The following IL1RAPL1 variants were observed in gnomAD, a reference collection of about 807,000 sequenced individuals.
The protein encoded by IL1RAPL1 is interleukin 1 receptor accessory protein like 1, also known as interleukin-1 receptor accessory protein-like 1.
A neutral mutation model predicts 48.4 loss-of-function variants in IL1RAPL1; 3 were observed. The observed-to-expected ratio is 0.06, with a 90% confidence interval of 0.03 to 0.16. IL1RAPL1 has a LOEUF of 0.16. IL1RAPL1 is among the 10% of genes least tolerant of loss of function. The pLI, the probability that IL1RAPL1 is intolerant of heterozygous loss-of-function variation, is 1.00. For synonymous variants in IL1RAPL1, 185 were observed against 187.7 expected (o/e 0.99, Z 0.12); for missense variants, 349 against 530.6 (o/e 0.66, Z 3.36).
intron 2 of IL1RAPL1, among the ~76,000 whole-genome samples, chrX:29,181,980 A>C (rs763057966): frequency 9.0e-6 from 1 of 111,408 alleles, no homozygotes; most frequent in African/African-American, 3.3e-5. Context: ...GGAATCTCCA[A>C]AATAGTGTCT....
In IL1RAPL1 at chrX:28,592,436, G is replaced by C. The variant is rs143105479; in HGVS notation, c.-25+4389G>C. On this transcript the variant is annotated intron_variant, in intron 1 of 10. Coordinates refer to ENST00000378993, the MANE Select transcript of IL1RAPL1 (RefSeq NM_014271.4). ...ATACCAAGTGTAATAGAGAAAATGA[G>C]AATATAAAGATACCCGGTCTGTTTG... 2.3e-4 allele frequency among the ~76,000 whole-genome samples: 26 copies of C among 111,364 alleles called. No individual in the cohort carries two copies. The East Asian group carries it at 7.0e-3, about 30-fold the overall frequency.
intron 5 of IL1RAPL1, among the ~76,000 whole-genome samples, chrX:29,535,728 A>G (rs1921208645): frequency 8.9e-6 from 1 of 112,217 alleles, no homozygotes; most frequent in Admixed American, 9.4e-5. Context: ...TAGTATGTGA[A>G]GAAAATGAGT....
At chrX:28,950,342 G>A (rs1210056924) in intron 2 of IL1RAPL1, among the ~76,000 whole-genome samples, 1 of 79,938 alleles carries the variant, frequency 1.3e-5, no homozygotes, top group Non-Finnish European at 2.4e-5. Flanking sequence ...GGTTACTGTA[G>A]CCTTGTAGTA....
At chrX:29,906,500 TA>T (rs1932632098) in intron 6 of IL1RAPL1, among the ~76,000 whole-genome samples, 3 of 52,241 alleles carry the variant, frequency 5.7e-5, no homozygotes, top group Non-Finnish European at 6.9e-5. Flanking sequence ...TATATATATA[TA>T]TATATATATA....
intron 1 of IL1RAPL1, among the ~76,000 whole-genome samples, chrX:28,649,635 G>A (rs954094253): frequency 8.9e-6 from 1 of 112,218 alleles, no homozygotes; most frequent in Non-Finnish European, 1.9e-5. Flanking sequence ...TACAACATTA[G>A]CGTTATTTGA....
rs200971590 is a variant in IL1RAPL1 at position 28,934,425 on chromosome X, AT to A, written c.82+145008del. Among the ~76,000 whole-genome samples the A allele has an allele frequency of 2.4e-3, 265 of 110,677 alleles. 2 individuals carry two copies. Among genetic ancestry groups the A allele is most frequent in the African/African-American group, 7.5e-3 (228 of 30,475 alleles). ...TCATGCCTTTAAAGTGTACAATTAA[AT>A]TTTTTTTAGTATATTTACATAGTTG... On this transcript the variant is annotated intron_variant, in intron 2 of 10. Transcript: ENST00000378993.
chrX:29,264,277 T>C (rs756855351), intron 2 of IL1RAPL1, among the ~76,000 whole-genome samples: 14 of 111,657 alleles, frequency 1.3e-4, no homozygotes, highest in Middle Eastern at 4.7e-3. Context: ...CAGAAATGAG[T>C]GTTTCCTTCT....
intron 6 of IL1RAPL1, among the ~76,000 whole-genome samples, chrX:29,819,940 C>T (rs915714444): frequency 1.9e-5 from 2 of 103,796 alleles, no homozygotes; most frequent in Admixed American, 2.2e-4. Context: ...TCCACTAATA[C>T]AGTTAAAAGA....
chrX:29,387,942 G>A (rs1184697777), intron 3 of IL1RAPL1, among the ~76,000 whole-genome samples: 2 of 106,159 alleles, frequency 1.9e-5, no homozygotes, highest in African/African-American at 3.4e-5. Flanking sequence ...GCAGTGAGCC[G>A]AAATCATGCC....
At position 29,203,648 on chromosome X, in the gene IL1RAPL1, G is replaced by GGCAGAGGT. The variant is rs1460467811; in HGVS notation, c.83-79289_83-79282dup. On this transcript the variant is annotated intron_variant, in intron 2 of 10. Coordinates refer to ENST00000378993, the MANE Select transcript of IL1RAPL1 (RefSeq NM_014271.4). The stretch of plus-strand genomic sequence containing the variant: ...GCAGGAGAATCGCTTGAACCCGGGA[G>GGCAGAGGT]GCAGAGGTTGCAGTGAGCTGAGATC... 1.6e-4 allele frequency among the ~76,000 whole-genome samples: 17 copies of GGCAGAGGT among 105,508 alleles called. No homozygotes were observed. The East Asian group carries it at 3.9e-3, about 24-fold the overall frequency. The allele number at this position is 105,508 out of a possible 115,157, so 91.6% of individuals were successfully genotyped here.
intron 2 of IL1RAPL1, among the ~76,000 whole-genome samples, chrX:28,996,322 A>G (rs1308730348): frequency 8.9e-6 from 1 of 111,795 alleles, no homozygotes; most frequent in Non-Finnish European, 1.9e-5. Context: ...CACATCGTCC[A>G]TTATATGGAT....
chrX:29,656,062 G>T (rs189350690), intron 5 of IL1RAPL1, among the ~76,000 whole-genome samples: 1 of 112,650 alleles, frequency 8.9e-6, no homozygotes, highest in African/African-American at 3.2e-5. Context: ...TTTAATGATA[G>T]ATTGATATAT....
At position 29,548,083 on chromosome X, in the gene IL1RAPL1, C is replaced by T. The variant is rs1449183439; in HGVS notation, c.704-120347C>T. Among the ~76,000 whole-genome samples the T allele has an allele frequency of 5.3e-5, 6 of 112,693 alleles. No homozygotes were observed. In the Admixed American group the frequency reaches 5.6e-4, roughly 11 times the overall value. ...TACAGGTGATACGCTTGTTCCATTT[C>T]AAGTCAAATGACACCATTAGTTAAT... is the stretch of plus-strand genomic sequence containing the variant. On this transcript the variant is annotated intron_variant, in intron 5 of 10. Transcript: ENST00000378993.
chrX:29,674,348 C>T (rs933876481), intron 6 of IL1RAPL1, among the ~76,000 whole-genome samples: 1 of 111,404 alleles, frequency 9.0e-6, no homozygotes, highest in African/African-American at 3.3e-5. Context: ...ATCACTTGGG[C>T]CGAGGTGATT....
At chrX:29,572,727 A>T (rs558070577) in intron 5 of IL1RAPL1, among the ~76,000 whole-genome samples, 7 of 112,293 alleles carry the variant, frequency 6.2e-5, no homozygotes, top group African/African-American at 2.3e-4. Flanking sequence ...GAAAAATCTT[A>T]GAGAATCTTG....
At chrX:28,853,463 G>T (rs1245723573) in intron 2 of IL1RAPL1, among the ~76,000 whole-genome samples, 1 of 97,162 alleles carries the variant, frequency 1.0e-5, no homozygotes, top group Non-Finnish European at 2.0e-5. Flanking sequence ...TTTCCCCATT[G>T]CAATCCCCTC....
chrX:29,283,180 T>C lies in IL1RAPL1; in HGVS notation c.325T>C (p.Leu109=). 1 of 1,211,853 alleles carries C rather than the reference T, an allele frequency of 8.3e-7. No individual in the cohort carries two copies. The highest frequency in any genetic ancestry group is 1.7e-5 in the African/African-American group (1 of 57,863). ...EEDSIWFRPT[L]LQDSGLYACV... The stretch of plus-strand genomic sequence containing the variant: ...AGACTCCATTTGGTTCCGGCCAACA[T>C]TGCTACAGGACAGTGGTCTCTACGC... Residue 109 remains leucine, a synonymous_variant, in exon 3 of 11, where the codon TTG becomes CTG. Coordinates refer to ENST00000378993, the MANE Select transcript of IL1RAPL1 (RefSeq NM_014271.4).
chrX:28,918,561 T>C (rs1484197559), intron 2 of IL1RAPL1, among the ~76,000 whole-genome samples: 1 of 112,221 alleles, frequency 8.9e-6, no homozygotes, highest in Non-Finnish European at 1.9e-5. Context: ...GGAGGACTGA[T>C]CACATCCCTT....
intron 6 of IL1RAPL1, among the ~76,000 whole-genome samples, chrX:29,681,932 G>A (rs1259698230): frequency 2.7e-5 from 3 of 109,958 alleles, no homozygotes; most frequent in Non-Finnish European, 5.7e-5. Context: ...AAAATTACCA[G>A]ACTGCCAGCT....
Sources: allele counts gnomAD v4.1 joint callset (sites outside exome capture counted in the v4.1 genomes callset), GRCh38; gene constraint gnomAD v4.1.1; transcripts MANE v1.5; gene names NCBI Gene and HGNC (gene_info 2026-07-23, HGNC 2026-07-21).